The following DCLK1 variants were observed in gnomAD, a reference collection of about 807,000 sequenced individuals.
DCLK1 encodes the protein doublecortin like kinase 1, also known as serine/threonine-protein kinase DCLK1.
Under a neutral mutation model 86.2 loss-of-function variants are expected in DCLK1, and 16 were observed. The ratio of observed to expected loss-of-function variants is 0.19; its 90% CI spans 0.13 to 0.28. The LOEUF is 0.28. Among genes scored for constraint, DCLK1 ranks in the 10% least tolerant of loss-of-function variants. The pLI is 1.00. For synonymous variants in DCLK1, 369 were observed against 370.5 expected, an observed-to-expected ratio of 1.00 and a Z score of 0.05; for missense variants, 590 against 940.2, an observed-to-expected ratio of 0.63 and a Z score of 4.87.
intron 3 of DCLK1, among the ~76,000 whole-genome samples, chr13:36,031,501 T>A (rs1232984081): frequency 6.6e-6 from 1 of 152,236 alleles, no homozygotes; most frequent in Non-Finnish European, 1.5e-5. Context: ...ACATATGTCA[T>A]CAAATGCGAT....
intron 3 of DCLK1, among the ~76,000 whole-genome samples, chr13:35,967,861 A>G (rs1165725409): frequency 6.6e-6 from 1 of 152,066 alleles, no homozygotes; most frequent in Admixed American, 6.5e-5. Flanking sequence ...AGTAAAAAAT[A>G]AAAATACAAA....
At chr13:36,080,323 T>C (rs1011166636) in intron 3 of DCLK1, among the ~76,000 whole-genome samples, 19 of 152,086 alleles carry the variant, frequency 1.2e-4, no homozygotes, top group African/African-American at 4.6e-4. Flanking sequence ...CACGATATCA[T>C]GCAGGATCAA....
At chr13:36,059,868 C>CTTTTTTTTTTTTTTTTTT (rs57867541) in intron 3 of DCLK1, among the ~76,000 whole-genome samples, 3 of 140,324 alleles carry the variant, frequency 2.1e-5, no homozygotes, top group Non-Finnish European at 1.5e-5. Flanking sequence ...ACTTAAATCT[C>CTTTTTTTTTTTTTTTTTT]TTTTTTTTTT....
chr13:35,843,886 T>C (rs1001361274), intron 6 of DCLK1, among the ~76,000 whole-genome samples: 4 of 152,226 alleles, frequency 2.6e-5, no homozygotes, highest in South Asian at 2.1e-4. Flanking sequence ...ACAGTTGTCT[T>C]GGTGATCTTG....
At chr13:35,973,096 A>G (rs530002246) in intron 3 of DCLK1, among the ~76,000 whole-genome samples, 2 of 152,156 alleles carry the variant, frequency 1.3e-5, no homozygotes, top group African/African-American at 4.8e-5. Flanking sequence ...AGGAATGAGG[A>G]TGGCAGGTGA....
At chr13:36,076,159 A>G (rs1219120843) in intron 3 of DCLK1, among the ~76,000 whole-genome samples, 1 of 152,226 alleles carries the variant, frequency 6.6e-6, no homozygotes, top group Non-Finnish European at 1.5e-5. Context: ...TCACTGCACA[A>G]AAAGTGTTTC....
intron 4 of DCLK1, among the ~76,000 whole-genome samples, chr13:35,911,771 C>T (rs1452024829): frequency 1.3e-5 from 2 of 152,150 alleles, no homozygotes; most frequent in South Asian, 2.1e-4. Context: ...GGTCAGTCAT[C>T]GCAAAGAGGC....
At chr13:35,872,535 G>A (rs545810563) in intron 4 of DCLK1, among the ~76,000 whole-genome samples, 1 of 152,206 alleles carries the variant, frequency 6.6e-6, no homozygotes, top group East Asian at 1.9e-4. Context: ...TGACACCTTT[G>A]TAAATGAGTG....
chr13:35,834,858 T>C (rs1004341446), intron 8 of DCLK1, among the ~76,000 whole-genome samples: 2 of 152,106 alleles, frequency 1.3e-5, no homozygotes, highest in African/African-American at 4.8e-5. Flanking sequence ...TGCTGAAGTG[T>C]TGGAGTAGAA....
intron 5 of DCLK1, among the ~76,000 whole-genome samples, chr13:35,862,735 T>C (rs1871495620): frequency 1.3e-5 from 2 of 152,238 alleles, no homozygotes; most frequent in African/African-American, 4.8e-5. Context: ...TATAGTTTAA[T>C]GTCTTTGTGC....
intron 3 of DCLK1, among the ~76,000 whole-genome samples, chr13:36,021,595 G>T (rs557882726): frequency 3.3e-5 from 5 of 152,154 alleles, no homozygotes; most frequent in Admixed American, 2.6e-4. Flanking sequence ...AGCTGGAGTG[G>T]CTATGCTAAC....
At chr13:36,118,544 C>G (rs1050126456) in intron 2 of DCLK1, among the ~76,000 whole-genome samples, 2 of 151,956 alleles carry the variant, frequency 1.3e-5, no homozygotes, top group African/African-American at 4.8e-5. Context: ...GTTGACTTTG[C>G]ACATATTAAA....
intron 6 of DCLK1, chr13:35,846,437 ACACT>A (rs902695621): frequency 1.0e-5 from 10 of 985,166 alleles, no homozygotes; most frequent in Non-Finnish European, 1.1e-5. Context: ...TATAATACAA[ACACT>A]CAGGTATTAC....
At chr13:36,109,503 C>A (rs1236640044) in intron 3 of DCLK1, among the ~76,000 whole-genome samples, 1 of 152,170 alleles carries the variant, frequency 6.6e-6, no homozygotes, top group East Asian at 1.9e-4. Context: ...GTGTTCTAAT[C>A]TGTTAAATGG....
chr13:35,948,326 A>G (rs928059412), intron 3 of DCLK1, among the ~76,000 whole-genome samples: 5 of 152,232 alleles, frequency 3.3e-5, no homozygotes, highest in African/African-American at 9.6e-5. Context: ...TGGACGAATC[A>G]TAAGATGGCC....
chr13:35,984,153 T>A (rs1349781979), intron 3 of DCLK1, among the ~76,000 whole-genome samples: 1 of 152,194 alleles, frequency 6.6e-6, no homozygotes, highest in African/African-American at 2.4e-5. Flanking sequence ...CCTAAAAGGA[T>A]AACCCCAGAA....
chr13:36,072,348 G>C (rs1403386749), intron 3 of DCLK1, among the ~76,000 whole-genome samples: 1 of 152,124 alleles, frequency 6.6e-6, no homozygotes, highest in East Asian at 1.9e-4. Flanking sequence ...TCTTTATACG[G>C]GTGCCCTTTC....
chr13:35,965,537 G>T (rs1878691504), intron 3 of DCLK1, among the ~76,000 whole-genome samples: 1 of 152,178 alleles, frequency 6.6e-6, no homozygotes. Flanking sequence ...AAGGATCTCA[G>T]TTTACCAGTT....
intron 3 of DCLK1, among the ~76,000 whole-genome samples, chr13:35,948,768 G>A (rs1171928275): frequency 1.3e-5 from 2 of 152,168 alleles, no homozygotes; most frequent in Non-Finnish European, 2.9e-5. Flanking sequence ...TCAGTGTTTA[G>A]TCTGCCCATG....
Sources: allele counts gnomAD v4.1 joint callset (sites outside exome capture counted in the v4.1 genomes callset), GRCh38; gene constraint gnomAD v4.1.1; transcripts MANE v1.5; gene names NCBI Gene and HGNC (gene_info 2026-07-23, HGNC 2026-07-21).